The following METTL15 variants were observed in gnomAD, a reference collection of about 807,000 sequenced individuals.
The protein encoded by METTL15 is methyltransferase 15, mitochondrial 12S rRNA N4-cytidine, also known as 12S rRNA N(4)-cytidine methyltransferase METTL15.
Under a neutral mutation model 38.3 loss-of-function variants are expected in METTL15, and 34 were observed. The ratio of observed to expected loss-of-function variants is 0.89; its 90% CI spans 0.68 to 1.18. The LOEUF (loss-of-function observed/expected upper bound fraction) is 1.18, where lower values mean the gene tolerates loss of function less well. Ranked by LOEUF, METTL15 falls within the 50% of genes most tolerant of loss-of-function variation. METTL15 has a pLI of 0.00. For synonymous variants in METTL15, 162 were observed against 170.9 expected (o/e 0.95, Z 0.41); for missense variants, 438 against 498.4 (o/e 0.88, Z 1.15).
At chr11:28,416,915 C>A (rs1329783788) in intron 5 of METTL15, among the ~76,000 whole-genome samples, 2 of 152,162 alleles carry the variant, frequency 1.3e-5, no homozygotes, top group African/African-American at 4.8e-5. Flanking sequence ...AAATGTGTGA[C>A]CACAGGAAAC....
chr11:28,490,344 C>A lies in METTL15; in HGVS notation c.*425-36134C>A, dbSNP rs137858785. ...CTAAATGTTCCTTGTAGCTGTAGAC[C>A]CTCAGATTCATTCTTACATTGATTT... is the stretch of plus-strand genomic sequence containing the variant. On this transcript the variant is annotated intron_variant and NMD_transcript_variant, in intron 6 of 7. Transcript: ENST00000532947. 1.1e-3 allele frequency among the ~76,000 whole-genome samples: 170 copies of A among 152,210 alleles called. 1 individual carries two copies. The highest frequency in any genetic ancestry group is 0.01 in the Admixed American group (158 of 15,272).
chr11:28,308,892 G>GTAGATGGATAGATAGA (rs1555031567), intron 6 of METTL15, among the ~76,000 whole-genome samples: 6 of 146,896 alleles, frequency 4.1e-5, no homozygotes, highest in African/African-American at 1.5e-4. Flanking sequence ...AGGTAGGTAG[G>GTAGATGGATAGATAGA]TAGATAGATA....
At chr11:28,529,544 C>A (rs958362877), downstream of METTL15, among the ~76,000 whole-genome samples, 7 of 138,064 alleles carry the variant, frequency 5.1e-5, no homozygotes, top group African/African-American at 1.9e-4. Context: ...CCCTTTTCCC[C>A]CTACTTCTTT....
At chr11:28,248,145 TA>T (rs1018767649) in intron 4 of METTL15, among the ~76,000 whole-genome samples, 1 of 152,086 alleles carries the variant, frequency 6.6e-6, no homozygotes, top group Non-Finnish European at 1.5e-5. Flanking sequence ...AAATCCTTTG[TA>T]ATCGGTTGAA....
intron 5 of METTL15, among the ~76,000 whole-genome samples, chr11:28,391,182 C>G (rs888602726): frequency 6.6e-6 from 1 of 151,994 alleles, no homozygotes; most frequent in Non-Finnish European, 1.5e-5. Flanking sequence ...CAAACAGGGA[C>G]AATTTGACTT....
At chr11:28,218,894 T>G (rs968832090) in intron 4 of METTL15, among the ~76,000 whole-genome samples, 2 of 152,206 alleles carry the variant, frequency 1.3e-5, no homozygotes, top group African/African-American at 4.8e-5. Flanking sequence ...CAGCCTTGCA[T>G]CCCAGGGATG....
chr11:28,528,708 T>C (rs1444078708), downstream of METTL15, among the ~76,000 whole-genome samples: 4 of 152,208 alleles, frequency 2.6e-5, no homozygotes, highest in Non-Finnish European at 5.9e-5. Flanking sequence ...AAAAACCTTA[T>C]TTTTTCCTTA....
chr11:28,192,607 C>G (rs1217198562), intron 3 of METTL15, among the ~76,000 whole-genome samples: 1 of 151,944 alleles, frequency 6.6e-6, no homozygotes, highest in African/African-American at 2.4e-5. Flanking sequence ...GGTTATACTT[C>G]TTCATTAAGT....
chr11:28,344,031 T>C (rs1370219357), intron 3 of METTL15, among the ~76,000 whole-genome samples: 6 of 152,224 alleles, frequency 3.9e-5, no homozygotes, highest in Non-Finnish European at 8.8e-5. Flanking sequence ...TTTTGCTGAA[T>C]CATCAATAGC....
In METTL15 at chr11:28,475,377, G is replaced by A. The variant is rs993723703; in HGVS notation, c.*424+51013G>A. Among the ~76,000 whole-genome samples, 5 of 2,204 alleles carry A rather than the reference G, an allele frequency of 2.3e-3. No homozygotes were observed. In the East Asian group the frequency reaches 0.28, roughly 122 times the overall value. 1.4% of individuals were successfully genotyped at this position (2,204 alleles called of 152,430 possible). The stretch of plus-strand genomic sequence containing the variant: ...TATTCAGGTAGCATAGAATTATTCT[G>A]AGATTTTCCCTCCATCTATTGTCCA... On this transcript the variant is annotated intron_variant and NMD_transcript_variant, in intron 6 of 7. Coordinates refer to the METTL15 transcript ENST00000532947.
At chr11:28,162,173 A>T (rs910616150) in intron 3 of METTL15, among the ~76,000 whole-genome samples, 1 of 152,134 alleles carries the variant, frequency 6.6e-6, no homozygotes, top group Non-Finnish European at 1.5e-5. Flanking sequence ...AGCTAGTAGT[A>T]GAGTTTGGAT....
chr11:28,299,301 T>TG (rs1469983973), intron 6 of METTL15, among the ~76,000 whole-genome samples: 3 of 150,858 alleles, frequency 2.0e-5, no homozygotes, highest in Admixed American at 2.0e-4. Flanking sequence ...AATGAGAAGT[T>TG]TTCTAGATTT....
chr11:28,461,723 C>G (rs981548051), intron 6 of METTL15, among the ~76,000 whole-genome samples: 5 of 152,012 alleles, frequency 3.3e-5, no homozygotes, highest in African/African-American at 1.2e-4. Context: ...AAAGCATTAA[C>G]AGTATGCAAT....
intron 3 of METTL15, among the ~76,000 whole-genome samples, chr11:28,122,826 C>T (rs1355974711): frequency 6.6e-6 from 1 of 151,760 alleles, no homozygotes; most frequent in Non-Finnish European, 1.5e-5. Context: ...AATTATTTTT[C>T]CTATCCAGTG....
chr11:28,260,833 C>A (rs1263705342), intron 4 of METTL15, among the ~76,000 whole-genome samples: 1 of 152,042 alleles, frequency 6.6e-6, no homozygotes, highest in African/African-American at 2.4e-5. Context: ...CCAGGTATTA[C>A]CAAAAGAATC....
chr11:28,430,127 C>A (rs1850904046), intron 6 of METTL15, among the ~76,000 whole-genome samples: 5 of 151,248 alleles, frequency 3.3e-5, no homozygotes, highest in Admixed American at 3.3e-4. Flanking sequence ...CTGGCAACCA[C>A]CCCGTCTGAG....
intron 4 of METTL15, among the ~76,000 whole-genome samples, chr11:28,233,985 T>C (rs916102889): frequency 2.3e-5 from 3 of 131,896 alleles, no homozygotes; most frequent in Non-Finnish European, 4.7e-5. Context: ...CCCCAGAGTG[T>C]GATGTTCCCC....
At chr11:28,187,579 A>G (rs1268470089) in intron 3 of METTL15, among the ~76,000 whole-genome samples, 1 of 150,464 alleles carries the variant, frequency 6.6e-6, no homozygotes, top group Non-Finnish European at 1.5e-5. Context: ...AAATAATAGA[A>G]ACATAGTCAC....
intron 6 of METTL15, among the ~76,000 whole-genome samples, chr11:28,485,325 T>G (rs900030485): frequency 3.4e-4 from 51 of 152,216 alleles, no homozygotes; most frequent in Non-Finnish European, 8.8e-5. Context: ...TTTACAAGGT[T>G]CACTATGTGC....
Sources: allele counts gnomAD v4.1 joint callset (sites outside exome capture counted in the v4.1 genomes callset), GRCh38; gene constraint gnomAD v4.1.1; transcripts MANE v1.5; gene names NCBI Gene and HGNC (gene_info 2026-07-23, HGNC 2026-07-21).